The following HECTD4 variants were observed in gnomAD, a reference collection of about 807,000 sequenced individuals.
HECTD4 encodes HECT domain E3 ubiquitin protein ligase 4, also known as probable E3 ubiquitin-protein ligase HECTD4.
A neutral mutation model predicts 471.5 loss-of-function variants in HECTD4; 114 were observed. The ratio of observed to expected loss-of-function variants is 0.24; its 90% confidence interval spans 0.21 to 0.28. The LOEUF is 0.28. Among genes scored for constraint, HECTD4 ranks in the 10% least tolerant of loss-of-function variants. The probability of loss-of-function intolerance (pLI) is 1.00; values close to 1 mark genes in which losing one functional copy is unlikely to be tolerated. For missense variants in HECTD4, 3,866 were observed against 5,651.5 expected, an observed-to-expected ratio of 0.68 and a Z score of 10.13; for synonymous variants, 2,012 against 2,256.0, an observed-to-expected ratio of 0.89 and a Z score of 3.07.
chr12:112,265,309 G>GA lies in HECTD4; in HGVS notation c.2499-15dup. 1 of 1,493,412 alleles carries GA rather than the reference G, an allele frequency of 6.7e-7. No individual in the cohort carries two copies. Among genetic ancestry groups the GA allele is most frequent in the Non-Finnish European group, 9.1e-7 (1 of 1,094,054 alleles). The allele number at this position is 1,493,412 out of a possible 1,614,324, so 92.5% of individuals were successfully genotyped here. A position where few individuals can be genotyped will look rare whatever the true frequency, so the allele number is the denominator to read the frequency against. ...TCATCATTTAGTCTTTAAAATGCAG[G>GA]AAAAATGTAACAATAAAATATTGAT... On this transcript the variant is annotated splice_polypyrimidine_tract_variant and intron_variant, in intron 15 of 75. Transcript: ENST00000682272.
In HECTD4 at chr12:112,184,832, C is replaced by T. The variant is rs1216023925; in HGVS notation, c.10134G>A (p.Thr3378=). 9 of 1,608,240 alleles carry T rather than the reference C, an allele frequency of 5.6e-6. No homozygotes were observed. Among genetic ancestry groups the T allele is most frequent in the South Asian group, 2.2e-5 (2 of 90,458 alleles). The change falls in exon 61 of 76, where the codon ACG becomes ACA. Residue 3378 remains threonine (T), a synonymous_variant. Transcript: ENST00000682272. This position sits in a 1 kb window ranked among gnomAD's most constrained non-coding sequence, Gnocchi z 9.1. ...GGCAGGCATCGGCGATGGCGTCACT[C>T]GTCACGCCCAGCCCCTGTGGGTCCT... ...TRKDPQGLGV[T]SDAIADACQA... is the part of the protein sequence containing the mutation.
intron 25 of HECTD4, 183 bp downstream of exon 25, chr12:112,249,961 T>G: frequency 1.7e-6 from 1 of 596,630 alleles, no homozygotes; most frequent in Non-Finnish European, 2.9e-6. Flanking sequence ...TGGGCCAAAT[T>G]TTGAGAGCCC....
chr12:112,342,552 G>A (rs1253884377), intron 1 of HECTD4, among the ~76,000 whole-genome samples: 2 of 152,092 alleles, frequency 1.3e-5, no homozygotes, highest in Non-Finnish European at 2.9e-5. Flanking sequence ...TCTAAGAATT[G>A]TTTCAATTAT....
At chr12:112,293,635 C>G (rs1350645065) in intron 7 of HECTD4, among the ~76,000 whole-genome samples, 2 of 152,032 alleles carry the variant, frequency 1.3e-5, no homozygotes, top group African/African-American at 4.8e-5. Context: ...AATAAATCAC[C>G]ATTTGTGTAC....
chr12:112,162,536 G>C lies in HECTD4; in HGVS notation c.13121-13C>G. The C allele has an allele frequency of 6.2e-7, 1 of 1,613,886 alleles. No individual in the cohort carries two copies. The highest frequency in any genetic ancestry group is 2.2e-5 in the East Asian group (1 of 44,868). On this transcript the variant is annotated splice_polypyrimidine_tract_variant and intron_variant, in intron 75 of 75. Coordinates refer to ENST00000682272, the MANE Select transcript of HECTD4 (RefSeq NM_001388303.1). This position sits in a 1 kb window ranked among gnomAD's most constrained non-coding sequence, Gnocchi z 5.2. ...GAGTCTGGGGAACCTACAAGAAACC[G>C]AGCCAGCATCAGAGGGTTGGGCCCA...
At chr12:112,315,109 T>C (rs1343455010) in intron 2 of HECTD4, among the ~76,000 whole-genome samples, 1 of 152,216 alleles carries the variant, frequency 6.6e-6, no homozygotes, top group Non-Finnish European at 1.5e-5. Flanking sequence ...GCTACCTGAA[T>C]TCCTTGTGGT....
In HECTD4 at chr12:112,185,250, G is replaced by A. The variant is rs1318967566; in HGVS notation, c.9716C>T (p.Ser3239Phe). 1 of 1,550,174 alleles carries A rather than the reference G, an allele frequency of 6.5e-7. No individual in the cohort carries two copies. Among genetic ancestry groups the A allele is most frequent in the Non-Finnish European group, 8.7e-7 (1 of 1,146,604 alleles). ...CTGGTCACCGGCCGCCGCCCCCCCG[G>A]AGCCCCCGCAGGCGCCGCCTGAGAC... The part of the protein sequence containing the change: ...NWVSGGACGG[S>F]GGAAAGDQGR... The change falls in exon 61 of 76, where the codon TCC becomes TTC. Residue 3239 changes from serine to phenylalanine, a missense_variant. Ser to Phe is a radical substitution (Grantham distance 155). Around this residue, in one of 16 missense-constraint regions of HECTD4, gnomAD observed 364 missense variants for 413.2 expected, o/e 0.88. Transcript: ENST00000682272.
intron 48 of HECTD4, among the ~76,000 whole-genome samples, chr12:112,214,723 C>A (rs576875451): frequency 7.2e-5 from 11 of 152,210 alleles, no homozygotes; most frequent in Admixed American, 6.5e-4. Context: ...CTGACATACA[C>A]CCTTTTGTGC....
chr12:112,171,611 G>A (rs1224973252), intron 67 of HECTD4, among the ~76,000 whole-genome samples: 1 of 152,184 alleles, frequency 6.6e-6, no homozygotes, highest in Non-Finnish European at 1.5e-5. Context: ...AAAGAGTCCC[G>A]TGTACATTTC....
chr12:112,375,428 G>C (rs2036758325), intron 1 of HECTD4, among the ~76,000 whole-genome samples: 2 of 152,180 alleles, frequency 1.3e-5, no homozygotes, highest in Non-Finnish European at 2.9e-5. Flanking sequence ...AATGAAATAT[G>C]AGAAGCACTA....
chr12:112,189,572 A>G (rs1434948919), intron 60 of HECTD4, among the ~76,000 whole-genome samples: 8 of 150,460 alleles, frequency 5.3e-5, no homozygotes, highest in Admixed American at 3.3e-4. Flanking sequence ...AAAAAAAAAA[A>G]AAAGAAAGAA....
chr12:112,302,629 G>A (rs934497639), intron 7 of HECTD4: 12 of 621,618 alleles, frequency 1.9e-5, no homozygotes, highest in East Asian at 3.1e-5. Context: ...AGCAGGGGCC[G>A]GGGCCACCTT....
At position 112,229,659 on chromosome 12, in the gene HECTD4, T is replaced by C. The variant is rs555651780; in HGVS notation, c.6519+39A>G. Reference sequence around the variant, plus strand: ...ATTAATTAATGGATGCTTATATATATGGGGGAAGCAATGATTTGGGGAACA... The same window carrying C: ...ATTAATTAATGGATGCTTATATATACGGGGGAAGCAATGATTTGGGGAACA... On this transcript the variant is annotated intron_variant, in intron 41 of 75. Transcript: ENST00000682272. The C allele has an allele frequency of 3.6e-5, 56 of 1,563,918 alleles. No homozygotes were observed. The East Asian group carries it at 9.9e-4, about 28-fold the overall frequency.
chr12:112,256,301 T>C lies in HECTD4; in HGVS notation c.3327+19A>G, dbSNP rs773180145. 7 of 1,527,746 alleles carry C rather than the reference T, an allele frequency of 4.6e-6. No individual in the cohort carries two copies. The Admixed American group carries it at 8.2e-5, about 18-fold the overall frequency. The allele number at this position is 1,527,746 out of a possible 1,614,324, so 94.6% of individuals were successfully genotyped here. On this transcript the variant is annotated intron_variant, in intron 21 of 75. Transcript: ENST00000682272. The stretch of plus-strand genomic sequence containing the variant: ...AGCTTACTCGAGGTGGAACCAATAG[T>C]AACCCAGTTCTTACTTACTTTGTCA...
At chr12:112,355,924 T>C (rs946177530) in intron 1 of HECTD4, among the ~76,000 whole-genome samples, 13 of 152,222 alleles carry the variant, frequency 8.5e-5, no homozygotes, top group Admixed American at 2.0e-4. Flanking sequence ...CAAATAATTT[T>C]TTTTTAATTT....
intron 45 of HECTD4, 123 bp from the exon 46 acceptor site, chr12:112,217,318 T>TAC (rs201184790): frequency 1.6e-3 from 734 of 470,410 alleles, no homozygotes; most frequent in Non-Finnish European, 2.3e-3. Flanking sequence ...CACACACACA[T>TAC]ACACACACAC....
chr12:112,247,359 A>G, intron 28 of HECTD4, 103 bp downstream of exon 28: 2 of 717,838 alleles, frequency 2.8e-6, no homozygotes, highest in South Asian at 2.4e-5. Flanking sequence ...ATATTTAGTA[A>G]ATTCACAACA....
intron 1 of HECTD4, among the ~76,000 whole-genome samples, chr12:112,324,045 C>CCTTCCTTTCTTT (rs2035677294): frequency 7.2e-5 from 1 of 13,934 alleles, no homozygotes; most frequent in Non-Finnish European, 1.4e-4. Flanking sequence ...TTCCTTCCTT[C>CCTTCCTTTCTTT]CTTTCTTTCT....
Position 112,269,737 on chromosome 12 carries a change from G to C in HECTD4, c.2288C>G (p.Pro763Arg). The C allele has an allele frequency of 6.2e-7, 1 of 1,613,924 alleles. No homozygotes were observed. Among genetic ancestry groups the C allele is most frequent in the Non-Finnish European group, 8.5e-7 (1 of 1,179,868 alleles). ...AAGGCAGACTTCCTTCTGAATTTCA[G>C]GGCAAATTTGATCTTTTGGAGCCAT... ...LLMAPKDQIC[P>R]EIQKEVCLAI... The change falls in exon 13 of 76, where the codon CCT becomes CGT. Residue 763 changes from proline (P) to arginine (R), a missense_variant. This residue lies in a region of HECTD4 where 525 missense variants were observed against 672.6 expected (regional missense o/e 0.78). Coordinates refer to ENST00000682272, the MANE Select transcript of HECTD4 (RefSeq NM_001388303.1).
Sources: gnomAD v4.1 joint callset for allele counts (sites outside exome capture counted in the v4.1 genomes callset) on GRCh38, gnomAD v4.1.1 for gene constraint, gnomAD v4.1.1 regional missense constraint, Gnocchi (gnomAD v3.1) non-coding constraint, MANE v1.5 for transcripts, NCBI Gene and HGNC (gene_info 2026-07-23, HGNC 2026-07-21) for gene names.